Variants in GIGYF2 observed in about 807,000 individuals in gnomAD.
The protein encoded by GIGYF2 is GRB10 interacting GYF protein 2.
Under a neutral mutation model 208.1 loss-of-function variants are expected in GIGYF2, and 25 were observed. The ratio of observed to expected loss-of-function variants is 0.12; its 90% confidence interval spans 0.09 to 0.17. The LOEUF (loss-of-function observed/expected upper bound fraction) is 0.17, where lower values mean the gene tolerates loss of function less well. Ranked by LOEUF, GIGYF2 falls within the 10% of genes least tolerant of loss-of-function variation. The pLI is 1.00. For synonymous variants in GIGYF2, 534 were observed against 543.8 expected (o/e 0.98, Z 0.25); for missense variants, 1,302 against 1,579.4 (o/e 0.82, Z 2.98).
At chr2:232,720,587 T>A (rs1178927992) in intron 2 of GIGYF2, among the ~76,000 whole-genome samples, 17 of 130,270 alleles carry the variant, frequency 1.3e-4, no homozygotes, top group South Asian at 2.5e-4. Flanking sequence ...ATATATATTT[T>A]TGTTTGTTTG....
chr2:232,710,633 TAC>T (rs1401374031), intron 2 of GIGYF2, among the ~76,000 whole-genome samples: 1 of 151,826 alleles, frequency 6.6e-6, no homozygotes, highest in Non-Finnish European at 1.5e-5. Context: ...TTGGAAAACG[TAC>T]AGTTTGAAAA....
chr2:232,801,863 C>G (rs548090372), intron 14 of GIGYF2, among the ~76,000 whole-genome samples: 2 of 152,148 alleles, frequency 1.3e-5, no homozygotes, highest in African/African-American at 4.8e-5. Context: ...AGGTTGCTTT[C>G]GGTAGTACTG....
At chr2:232,774,794 A>G (rs1390011001) in intron 8 of GIGYF2, among the ~76,000 whole-genome samples, 1 of 152,172 alleles carries the variant, frequency 6.6e-6, no homozygotes, top group Non-Finnish European at 1.5e-5. Context: ...TGAGAAAGAA[A>G]AAACTCCATG....
intron 8 of GIGYF2, among the ~76,000 whole-genome samples, chr2:232,773,898 T>C (rs1184384005): frequency 1.4e-5 from 2 of 142,600 alleles, no homozygotes; most frequent in Non-Finnish European, 3.0e-5. Flanking sequence ...GTAGTGAGAC[T>C]TTGTCTCTAT....
intron 8 of GIGYF2, among the ~76,000 whole-genome samples, chr2:232,786,260 C>T (rs932225538): frequency 2.0e-5 from 3 of 151,678 alleles, no homozygotes; most frequent in Non-Finnish European, 2.9e-5. Context: ...TTTTTTGAGA[C>T]GGAGTCTTGC....
Position 232,717,063 on chromosome 2 carries a change from C to G in GIGYF2, c.-44+13574C>G, listed in dbSNP as rs1244183450. 2.8e-4 allele frequency among the ~76,000 whole-genome samples: 42 copies of G among 152,056 alleles called. 3 individuals carry two copies. The highest frequency in any genetic ancestry group is 1.5e-5 in the Non-Finnish European group (1 of 68,010). On this transcript the variant is annotated intron_variant, in intron 2 of 28. Transcript: ENST00000373563. ...TCCTGGGCTCAAGCAATCCAGCTGCCTCGGCTTCCCAAAGTCCTGGGATTA... is the reference window on the plus strand; with the variant it reads ...TCCTGGGCTCAAGCAATCCAGCTGCGTCGGCTTCCCAAAGTCCTGGGATTA...
At chr2:232,804,868 G>A (rs1346786665) in intron 14 of GIGYF2, among the ~76,000 whole-genome samples, 1 of 150,818 alleles carries the variant, frequency 6.6e-6, no homozygotes, top group Non-Finnish European at 1.5e-5. Flanking sequence ...GGATTATTTT[G>A]AAGTATATTT....
intron 15 of GIGYF2, among the ~76,000 whole-genome samples, chr2:232,807,399 C>T (rs972328211): frequency 2.6e-5 from 4 of 152,064 alleles, no homozygotes; most frequent in Non-Finnish European, 5.9e-5. Flanking sequence ...AAAAAACTAG[C>T]CGGGTATGGT....
intron 5 of GIGYF2, among the ~76,000 whole-genome samples, chr2:232,752,413 T>G (rs1698367661): frequency 3.3e-5 from 5 of 152,342 alleles, no homozygotes; most frequent in African/African-American, 9.6e-5. Flanking sequence ...ACTGACATAC[T>G]CATTCTCCTT....
chr2:232,817,567 AACC>A (rs1230436695), intron 20 of GIGYF2, among the ~76,000 whole-genome samples: 4 of 152,338 alleles, frequency 2.6e-5, no homozygotes, highest in African/African-American at 9.6e-5. Flanking sequence ...AGCTCCTAGT[AACC>A]ACCATTCTTC....
chr2:232,809,554 A>AAC (rs1422373510), intron 15 of GIGYF2, among the ~76,000 whole-genome samples, 166 bp from the exon 16 acceptor site: 1 of 152,172 alleles, frequency 6.6e-6, no homozygotes, highest in African/African-American at 2.4e-5. Context: ...GGTGTTGTTT[A>AAC]GTTTTTAAAG....
At chr2:232,785,783 A>G (rs1699889996) in intron 8 of GIGYF2, among the ~76,000 whole-genome samples, 1 of 152,224 alleles carries the variant, frequency 6.6e-6, no homozygotes, top group African/African-American at 2.4e-5. Context: ...GCTGAATCTC[A>G]ATATATGTAA....
At chr2:232,823,405 A>G (rs1357874124) in intron 21 of GIGYF2, among the ~76,000 whole-genome samples, 3 of 138,902 alleles carry the variant, frequency 2.2e-5, no homozygotes, top group Non-Finnish European at 4.5e-5. Flanking sequence ...TCACACTGTC[A>G]CCCAGGCTGC....
chr2:232,781,098 C>T (rs1408037411), intron 8 of GIGYF2, among the ~76,000 whole-genome samples: 2 of 152,018 alleles, frequency 1.3e-5, no homozygotes, highest in African/African-American at 2.4e-5. Flanking sequence ...GCTGGGACTA[C>T]AGGCGCACAC....
At chr2:232,820,984 C>T (rs1701062885) in intron 21 of GIGYF2, among the ~76,000 whole-genome samples, 1 of 152,034 alleles carries the variant, frequency 6.6e-6, no homozygotes, top group Admixed American at 6.6e-5. Context: ...GCAGGCATCA[C>T]CACGTCTGGC....
chr2:232,723,325 T>C (rs1198575603), intron 2 of GIGYF2, among the ~76,000 whole-genome samples: 2 of 152,202 alleles, frequency 1.3e-5, no homozygotes, highest in East Asian at 3.8e-4. Context: ...ATTCACCTTT[T>C]GACTCTGCTA....
chr2:232,706,864 T>G (rs1696136391), intron 2 of GIGYF2, among the ~76,000 whole-genome samples: 1 of 151,346 alleles, frequency 6.6e-6, no homozygotes, highest in African/African-American at 2.4e-5. Context: ...GAGGCTCCCT[T>G]AGGCCTGGGA....
At chr2:232,763,336 C>T (rs1250072985) in intron 8 of GIGYF2, among the ~76,000 whole-genome samples, 1 of 152,088 alleles carries the variant, frequency 6.6e-6, no homozygotes, top group Non-Finnish European at 1.5e-5. Flanking sequence ...AGTTCTCCCC[C>T]TTTATTTGTG....
intron 5 of GIGYF2, among the ~76,000 whole-genome samples, chr2:232,751,875 A>C (rs747530919): frequency 1.1e-4 from 16 of 152,238 alleles, no homozygotes; most frequent in Non-Finnish European, 2.1e-4. Context: ...AACTGCAGTT[A>C]ACCAGTAATA....
Sources: allele counts gnomAD v4.1 joint callset (sites outside exome capture counted in the v4.1 genomes callset), GRCh38; gene constraint gnomAD v4.1.1; transcripts MANE v1.5; gene names NCBI Gene and HGNC (gene_info 2026-07-23, HGNC 2026-07-21).